The following TCP11L1 variants were observed in gnomAD, a reference collection of about 807,000 sequenced individuals.
TCP11L1 encodes the protein T-complex protein 11-like protein 1.
TCP11L1 carries 28 observed loss-of-function variants against 48.9 expected under a neutral mutation model. The ratio of observed to expected loss-of-function variants is 0.57; its 90% confidence interval spans 0.42 to 0.78. The LOEUF (loss-of-function observed/expected upper bound fraction) is 0.78, where lower values mean the gene tolerates loss of function less well. Among genes scored for constraint, TCP11L1 ranks in the 30% least tolerant of loss-of-function variants. The pLI is 0.00. For synonymous variants in TCP11L1, 204 were observed against 231.9 expected (o/e 0.88, Z 1.09); for missense variants, 505 against 613.4 (o/e 0.82, Z 1.87).
chr11:33,057,836 CT>C lies in TCP11L1; in HGVS notation c.418-81del. 4 of 1,204,706 alleles carry C rather than the reference CT, an allele frequency of 3.3e-6. No individual in the cohort carries two copies. In the South Asian group the frequency reaches 6.5e-5, roughly 19 times the overall value. The allele number at this position is 1,204,706 out of a possible 1,614,324, so 74.6% of individuals were successfully genotyped here. A position where few individuals can be genotyped will look rare whatever the true frequency, so the allele number is the denominator to read the frequency against. ...AATATTACGTAGCAATTGAGAAGCC[CT>C]TATTTGGATAGTTATAAATTACATA... On this transcript the variant is annotated intron_variant, in intron 4 of 9. Transcript: ENST00000334274.
At chr11:33,067,988 G>A (rs778086922) in intron 8 of TCP11L1, among the ~76,000 whole-genome samples, 4 of 151,786 alleles carry the variant, frequency 2.6e-5, no homozygotes. Context: ...GTGCAATGAC[G>A]TGATCTCGGC....
chr11:33,053,144 CTT>C (rs10715921), intron 2 of TCP11L1, among the ~76,000 whole-genome samples: 189 of 116,164 alleles, frequency 1.6e-3, no homozygotes, highest in Middle Eastern at 4.6e-3. Flanking sequence ...CTATCAGAGA[CTT>C]TTTTTTTTTT....
At chr11:33,045,220 G>T (rs1853953680) in intron 2 of TCP11L1, among the ~76,000 whole-genome samples, 1 of 152,062 alleles carries the variant, frequency 6.6e-6, no homozygotes, top group South Asian at 2.1e-4. Flanking sequence ...AGGCATGGTG[G>T]TGCATGCCTA....
At chr11:33,060,759 A>G (rs1854445049) in intron 6 of TCP11L1, among the ~76,000 whole-genome samples, 1 of 152,156 alleles carries the variant, frequency 6.6e-6, no homozygotes, top group Non-Finnish European at 1.5e-5. Context: ...AAACAAGGAA[A>G]AGCCTCATCA....
chr11:33,059,826 GGTA>G (rs1159736994), intron 6 of TCP11L1, among the ~76,000 whole-genome samples: 2 of 152,170 alleles, frequency 1.3e-5, no homozygotes, highest in Non-Finnish European at 2.9e-5. Context: ...AGGAGTCTGA[GGTA>G]GTGCTGGGGC....
rs749372436 is a variant in TCP11L1 at position 33,065,851 on chromosome 11, C to T, written c.994C>T (p.Arg332Cys). Residue 332 changes from arginine to cysteine, a missense_variant, in exon 8 of 10, where the codon CGC (arginine) becomes TGC (cysteine). Transcript: ENST00000334274. ...FPETVLMDQS[R>C]FHELQLQLEQ... ...ACAGACAGTTTTAATGGACCAGTCTCGCTTCCACGAGCTCCAGTTGCAGCT... is the reference window on the plus strand; with the variant it reads ...ACAGACAGTTTTAATGGACCAGTCTTGCTTCCACGAGCTCCAGTTGCAGCT... 10 of 1,613,890 alleles carry T rather than the reference C, an allele frequency of 6.2e-6. No homozygotes were observed. Among genetic ancestry groups the T allele is most frequent in the Admixed American group, 1.7e-5 (1 of 60,000 alleles).
rs755161917 is a variant in TCP11L1, at chr11:33,054,590, C to G, written c.164-3C>G. On this transcript the variant is annotated splice_polypyrimidine_tract_variant and splice_region_variant and intron_variant, in intron 2 of 9. Coordinates refer to ENST00000334274, the MANE Select transcript of TCP11L1 (RefSeq NM_018393.4). The stretch of plus-strand genomic sequence containing the variant: ...AATCTCTTACAGTGAGTTTCTGTTA[C>G]AGCTAGTCCTCCTCGCTTTGTGACA... 3 of 1,609,918 alleles carry G rather than the reference C, an allele frequency of 1.9e-6. No individual in the cohort carries two copies. In the African/African-American group the frequency reaches 4.0e-5, roughly 22 times the overall value.
chr11:33,044,658 G>A (rs1417067060), intron 2 of TCP11L1, among the ~76,000 whole-genome samples: 1 of 152,122 alleles, frequency 6.6e-6, no homozygotes, highest in African/African-American at 2.4e-5. Flanking sequence ...TTGGGTTTTG[G>A]GGTGTGTTTC....
intron 7 of TCP11L1, 31 bp downstream of exon 7, chr11:33,061,757 A>G (rs1854474367): frequency 1.9e-6 from 3 of 1,543,000 alleles, no homozygotes; most frequent in Non-Finnish European, 2.6e-6. Context: ...CACTACTCAT[A>G]TTTGTTTTTG....
intron 9 of TCP11L1, among the ~76,000 whole-genome samples, chr11:33,069,785 C>T (rs11032140): frequency 0.28 from 43,286 of 151,894 alleles, 6,728 homozygotes; most frequent in East Asian, 0.41. Flanking sequence ...TTTTGTATAT[C>T]TTCTAAAGAT....
At chr11:33,060,764 T>C (rs1472215024) in intron 6 of TCP11L1, among the ~76,000 whole-genome samples, 2 of 152,166 alleles carry the variant, frequency 1.3e-5, no homozygotes, top group African/African-American at 4.8e-5. Context: ...AGGAAAAGCC[T>C]CATCATCAGT....
intron 1 of TCP11L1, among the ~76,000 whole-genome samples, chr11:33,043,234 TGG>T (rs1491215483): frequency 1.3e-5 from 2 of 151,330 alleles, no homozygotes; most frequent in Non-Finnish European, 2.9e-5. Context: ...AAACTCCATC[TGG>T]AAAAAAAAAA....
intron 7 of TCP11L1, among the ~76,000 whole-genome samples, chr11:33,063,065 A>AT (rs1564985158): frequency 6.6e-6 from 1 of 152,048 alleles, no homozygotes; most frequent in East Asian, 1.9e-4. Context: ...GGGTCTCGCT[A>AT]TGTTACTCAG....
chr11:33,070,428 A>G (rs1028305066), intron 9 of TCP11L1, among the ~76,000 whole-genome samples: 13 of 152,200 alleles, frequency 8.5e-5, no homozygotes, highest in Non-Finnish European at 1.6e-4. Flanking sequence ...GCTCATGCCT[A>G]TAATCCCAAC....
Position 33,068,731 on chromosome 11 carries a change from T to C in TCP11L1, c.1199T>C (p.Val400Ala), listed in dbSNP as rs1244934576. Residue 400 changes from valine to alanine, a missense_variant, in exon 9 of 10, where the codon GTG becomes GCG. Val to Ala is a moderately conservative substitution (Grantham distance 64, BLOSUM62 0). This residue lies in a region of TCP11L1 where 335 missense variants were observed against 413.3 expected (regional missense o/e 0.81). Transcript: ENST00000334274. The stretch of plus-strand genomic sequence containing the variant: ...GTCCTCACTACCATCGGGGAGAAGG[T>C]GTGCCTGGAGGTGAGCAGCTGCCTC... ...KDVLTTIGEK[V>A]CLEVSSCLSL... 1 of 1,614,066 alleles carries C rather than the reference T, an allele frequency of 6.2e-7. No individual in the cohort carries two copies. Among genetic ancestry groups the C allele is most frequent in the Admixed American group, 1.7e-5 (1 of 59,998 alleles).
At chr11:33,040,615 A>C (rs1178817998) in intron 1 of TCP11L1, 1 of 152,254 alleles carries the variant, frequency 6.6e-6, no homozygotes, top group East Asian at 1.9e-4. Flanking sequence ...GCTCTTAAGA[A>C]GTTCGAAATC....
chr11:33,045,076 C>T (rs879453717), intron 2 of TCP11L1, among the ~76,000 whole-genome samples: 1 of 152,042 alleles, frequency 6.6e-6, no homozygotes, highest in Non-Finnish European at 1.5e-5. Flanking sequence ...CAGGATTGGC[C>T]AGGCATGGTG....
chr11:33,072,677 C>G lies in TCP11L1; in HGVS notation c.*1C>G. The G allele has an allele frequency of 1.2e-6, 2 of 1,614,108 alleles. No homozygotes were observed. Among genetic ancestry groups the G allele is most frequent in the Non-Finnish European group, 1.7e-6 (2 of 1,179,998 alleles). On this transcript the variant is annotated 3_prime_UTR_variant, in exon 10 of 10. Transcript: ENST00000334274. ...GAGTAAGATCCTCGTCCGATCCTAA[C>G]GTGTATGCACCCTACAGCAGCAGTA...
intron 2 of TCP11L1, among the ~76,000 whole-genome samples, chr11:33,052,971 A>G (rs1454388554): frequency 6.6e-6 from 1 of 150,782 alleles, no homozygotes; most frequent in African/African-American, 2.5e-5. Context: ...CCTGTTGGTG[A>G]CAGAGTAAGA....
Sources: allele counts gnomAD v4.1 joint callset (sites outside exome capture counted in the v4.1 genomes callset), GRCh38; gene constraint gnomAD v4.1.1; regional missense constraint gnomAD v4.1.1; transcripts MANE v1.5; gene names NCBI Gene and HGNC (gene_info 2026-07-23, HGNC 2026-07-21).